The following PPFIBP1 variants were observed in gnomAD, a reference collection of about 807,000 sequenced individuals.
PPFIBP1 encodes the protein liprin-beta-1.
A neutral mutation model predicts 137.8 loss-of-function variants in PPFIBP1; 112 were observed. The ratio of observed to expected loss-of-function variants is 0.81; its 90% confidence interval spans 0.70 to 0.95. The LOEUF (loss-of-function observed/expected upper bound fraction) is 0.95. Among genes scored for constraint, PPFIBP1 ranks in the 40% least tolerant of loss-of-function variants. PPFIBP1 has a pLI of 0.00. For missense variants in PPFIBP1, 1,083 were observed against 1,196.6 expected, an observed-to-expected ratio of 0.91 and a Z score of 1.40; for synonymous variants, 378 against 417.3, an observed-to-expected ratio of 0.91 and a Z score of 1.15.
In PPFIBP1 at chr12:27,635,102, T is replaced by C. The variant is rs2057555279; in HGVS notation, c.257T>C (p.Leu86Pro). 8 of 1,614,184 alleles carry C rather than the reference T, an allele frequency of 5.0e-6. No homozygotes were observed. Among genetic ancestry groups the C allele is most frequent in the South Asian group, 1.1e-5 (1 of 91,090 alleles). The change falls in exon 4 of 30, where the codon CTT becomes CCT. Residue 86 changes from leucine to proline, a missense_variant. Coordinates refer to ENST00000228425, the MANE Select transcript of PPFIBP1 (RefSeq NM_003622.4). ...ACAGCAGAAACGCTTGTTGAATGGCTTCAGAGTCAAATGGTAGGGTCTGCC... is the reference window on the plus strand; with the variant it reads ...ACAGCAGAAACGCTTGTTGAATGGCCTCAGAGTCAAATGGTAGGGTCTGCC... Reference protein sequence around the residue: ...DSTAETLVEWLQSQMTNGHLP... With the variant: ...DSTAETLVEWPQSQMTNGHLP...
chr12:27,678,769 A>G (rs1410327319), intron 19 of PPFIBP1, among the ~76,000 whole-genome samples: 2 of 146,860 alleles, frequency 1.4e-5, no homozygotes, highest in Non-Finnish European at 3.0e-5. Flanking sequence ...GAGGCAGAGA[A>G]TTGCTTGAAC....
chr12:27,597,632 A>G (rs561728468), intron 2 of PPFIBP1, among the ~76,000 whole-genome samples: 205 of 152,226 alleles, frequency 1.3e-3, no homozygotes, highest in African/African-American at 4.7e-3. Flanking sequence ...AGGAGAAACT[A>G]TGTTTTGTCA....
chr12:27,677,159 T>C, intron 19 of PPFIBP1, 63 bp downstream of exon 19: 1 of 1,586,114 alleles, frequency 6.3e-7, no homozygotes, highest in Non-Finnish European at 8.7e-7. Context: ...TAATCCCTGC[T>C]CTTGGCATCT....
intron 1 of PPFIBP1, among the ~76,000 whole-genome samples, chr12:27,556,175 G>T (rs2048688323): frequency 6.6e-6 from 1 of 152,130 alleles, no homozygotes; most frequent in Admixed American, 6.6e-5. Flanking sequence ...GTGGTTTTCT[G>T]ACTTCCCACA....
chr12:27,676,111 T>A (rs748599430), intron 17 of PPFIBP1, among the ~76,000 whole-genome samples: 1 of 152,238 alleles, frequency 6.6e-6, no homozygotes, highest in Non-Finnish European at 1.5e-5. Flanking sequence ...AATGTCTCCA[T>A]GTCTTTTGAG....
chr12:27,635,742 A>T (rs1191231129), intron 4 of PPFIBP1: 1 of 153,528 alleles, frequency 6.5e-6, no homozygotes, highest in African/African-American at 2.4e-5. Flanking sequence ...CCTCCAGCAT[A>T]AATGGGTTAA....
chr12:27,624,491 TTCATC>T (rs2056636064), intron 2 of PPFIBP1, among the ~76,000 whole-genome samples: 1 of 152,252 alleles, frequency 6.6e-6, no homozygotes, highest in Admixed American at 6.5e-5. Flanking sequence ...TATGAAACTT[TTCATC>T]AACTCTCTTC....
At chr12:27,613,469 C>T (rs2055380061) in intron 2 of PPFIBP1, among the ~76,000 whole-genome samples, 1 of 152,004 alleles carries the variant, frequency 6.6e-6, no homozygotes, top group Non-Finnish European at 1.5e-5. Context: ...TTTGGGAGAC[C>T]AAGGCAGTGG....
chr12:27,646,649 G>T lies in PPFIBP1; in HGVS notation c.357+501G>T, dbSNP rs552456388. Among the ~76,000 whole-genome samples the T allele has an allele frequency of 3.3e-5, 5 of 152,156 alleles. No individual in the cohort carries two copies. In the East Asian group the frequency reaches 9.6e-4, roughly 29 times the overall value. Reference sequence around the variant, plus strand: ...GTTTATATTTCTGAATCTGAAATCAGAATATATATATTTAATTTTTCAATT... The same window carrying T: ...GTTTATATTTCTGAATCTGAAATCATAATATATATATTTAATTTTTCAATT... On this transcript the variant is annotated intron_variant, in intron 5 of 29. Coordinates refer to ENST00000228425, the MANE Select transcript of PPFIBP1 (RefSeq NM_003622.4).
At chr12:27,665,182 A>G (rs2059789769) in intron 12 of PPFIBP1, among the ~76,000 whole-genome samples, 2 of 152,156 alleles carry the variant, frequency 1.3e-5, no homozygotes, top group Non-Finnish European at 2.9e-5. Flanking sequence ...AGTGAGACTC[A>G]GTCTCAAAAA....
chr12:27,588,386 G>A lies in PPFIBP1; in HGVS notation c.-36+10147G>A, dbSNP rs375515181. The stretch of plus-strand genomic sequence containing the variant: ...TTATTAAGTTGCTGGTTGCAATATG[G>A]TACTAACTTGATCTCTAAAGTCATT... On this transcript the variant is annotated intron_variant, in intron 2 of 29. Transcript: ENST00000228425. Among the ~76,000 whole-genome samples the A allele has an allele frequency of 7.2e-5, 11 of 152,224 alleles. 1 individual carries two copies. In the East Asian group the frequency reaches 1.2e-3, roughly 16 times the overall value.
chr12:27,647,638 C>A, intron 5 of PPFIBP1, 91 bp from the exon 6 acceptor site: 3 of 708,734 alleles, frequency 4.2e-6, no homozygotes, highest in South Asian at 2.7e-5. Flanking sequence ...ATGGTAGGAT[C>A]ATTCCTTTTT....
At chr12:27,654,557 C>T (rs7979237) in intron 7 of PPFIBP1, 165 bp from the exon 8 acceptor site, 827,759 of 828,554 alleles carry the variant, frequency 1, 413,484 homozygotes, top group Middle Eastern at 1. Context: ...GGAAAGATGC[C>T]TTCGTTCTTA....
chr12:27,585,373 G>A (rs1469131183), intron 2 of PPFIBP1, among the ~76,000 whole-genome samples: 1 of 152,178 alleles, frequency 6.6e-6, no homozygotes, highest in Non-Finnish European at 1.5e-5. Flanking sequence ...GCTGCGCTGT[G>A]TCTCCCTGCA....
intron 2 of PPFIBP1, chr12:27,608,882 G>GT: frequency 5.1e-6 from 1 of 195,676 alleles, no homozygotes. Flanking sequence ...GCTTTCATTT[G>GT]TTTTTTTGTT....
chr12:27,635,120 G>GT lies in PPFIBP1; in HGVS notation c.270+5_270+6insT. 3 of 1,613,846 alleles carry GT rather than the reference G, an allele frequency of 1.9e-6. No individual in the cohort carries two copies. The highest frequency in any genetic ancestry group is 2.5e-6 in the Non-Finnish European group (3 of 1,179,736). On this transcript the variant is annotated splice_donor_region_variant and intron_variant, in intron 4 of 29. Coordinates refer to ENST00000228425, the MANE Select transcript of PPFIBP1 (RefSeq NM_003622.4). ...GAATGGCTTCAGAGTCAAATGGTAG[G>GT]GTCTGCCTGTTCCAAATTCTGTTAT...
chr12:27,537,573 G>A (rs1945188055), intron 1 of PPFIBP1, among the ~76,000 whole-genome samples: 2 of 152,130 alleles, frequency 1.3e-5, no homozygotes, highest in Admixed American at 6.5e-5. Flanking sequence ...TGTTCCCGGG[G>A]TGGAGACTGC....
intron 6 of PPFIBP1, among the ~76,000 whole-genome samples, chr12:27,649,132 C>T (rs1481885331): frequency 6.6e-6 from 1 of 152,122 alleles, no homozygotes; most frequent in Non-Finnish European, 1.5e-5. Flanking sequence ...TGTAGCCACA[C>T]AAGTAGAAAA....
intron 4 of PPFIBP1, among the ~76,000 whole-genome samples, chr12:27,645,397 TC>T (rs1319571928): frequency 6.6e-6 from 1 of 152,114 alleles, no homozygotes; most frequent in Non-Finnish European, 1.5e-5. Context: ...AATCTATACT[TC>T]CTTTGGCATT....
Sources: gnomAD v4.1 joint callset for allele counts (sites outside exome capture counted in the v4.1 genomes callset) on GRCh38, gnomAD v4.1.1 for gene constraint, MANE v1.5 for transcripts, NCBI Gene and HGNC (gene_info 2026-07-23, HGNC 2026-07-21) for gene names.